AUTS2: variants seen among roughly 807,000 people sequenced by gnomAD.
AUTS2 encodes the protein autism susceptibility gene 2 protein.
Under a neutral mutation model 112.4 loss-of-function variants are expected in AUTS2, and 17 were observed. The ratio of observed to expected loss-of-function variants is 0.15; its 90% CI spans 0.10 to 0.23. The LOEUF is 0.23. Among genes scored for constraint, AUTS2 ranks in the 10% least tolerant of loss-of-function variants. The probability of loss-of-function intolerance (pLI) is 1.00; values close to 1 mark genes in which losing one functional copy is unlikely to be tolerated. For missense variants in AUTS2, 1,510 were observed against 1,701.6 expected, an observed-to-expected ratio of 0.89 and a Z score of 1.98; for synonymous variants, 751 against 702.7, an observed-to-expected ratio of 1.07 and a Z score of -1.09.
chr7:70,018,844 A>G (rs973146928), intron 2 of AUTS2, among the ~76,000 whole-genome samples: 7 of 152,224 alleles, frequency 4.6e-5, no homozygotes, highest in African/African-American at 1.7e-4. Context: ...ATTGTGAAAG[A>G]CAGTATGTCA....
chr7:70,101,729 A>T (rs148475041), intron 2 of AUTS2, among the ~76,000 whole-genome samples: 1 of 152,146 alleles, frequency 6.6e-6, no homozygotes, highest in East Asian at 1.9e-4. Flanking sequence ...AAATAAAAAT[A>T]AAAAGGTAGA....
chr7:69,696,462 A>G (rs1049733037), intron 1 of AUTS2, among the ~76,000 whole-genome samples: 2 of 152,168 alleles, frequency 1.3e-5, no homozygotes, highest in Non-Finnish European at 2.9e-5. Flanking sequence ...AATTAGGCTC[A>G]TTGTTGACAT....
intron 2 of AUTS2, among the ~76,000 whole-genome samples, chr7:69,977,724 T>A (rs1798117485): frequency 6.6e-6 from 1 of 152,164 alleles, no homozygotes; most frequent in South Asian, 2.1e-4. Flanking sequence ...GACAACAAAC[T>A]TTTCTAGGGG....
chr7:70,472,889 G>C (rs900174279), intron 5 of AUTS2, among the ~76,000 whole-genome samples: 1 of 152,218 alleles, frequency 6.6e-6, no homozygotes, highest in Non-Finnish European at 1.5e-5. Flanking sequence ...TCAGTGGAGA[G>C]AAATTAAATT....
intron 4 of AUTS2, among the ~76,000 whole-genome samples, chr7:70,327,067 G>C (rs753367454): frequency 6.6e-6 from 1 of 151,942 alleles, no homozygotes; most frequent in Non-Finnish European, 1.5e-5. Flanking sequence ...ACAGGTGCCT[G>C]CCACTGCGCC....
intron 5 of AUTS2, among the ~76,000 whole-genome samples, chr7:70,548,736 C>A (rs1359834185): frequency 6.6e-6 from 1 of 152,122 alleles, no homozygotes; most frequent in Non-Finnish European, 1.5e-5. Context: ...TCTGGACTTT[C>A]ATTTCTATTC....
intron 4 of AUTS2, among the ~76,000 whole-genome samples, chr7:70,411,669 T>G (rs1215854618): frequency 2.0e-5 from 3 of 152,156 alleles, no homozygotes; most frequent in Non-Finnish European, 2.9e-5. Context: ...TACATATAAT[T>G]AGAGTCAGAT....
intron 1 of AUTS2, among the ~76,000 whole-genome samples, chr7:69,650,617 T>C (rs1315762727): frequency 2.6e-5 from 4 of 152,128 alleles, no homozygotes; most frequent in Non-Finnish European, 4.4e-5. Flanking sequence ...AAAGAAATAT[T>C]AGGAATTTCG....
At chr7:70,302,163 C>T (rs191188049) in intron 4 of AUTS2, among the ~76,000 whole-genome samples, 1 of 152,260 alleles carries the variant, frequency 6.6e-6, no homozygotes, top group Admixed American at 6.5e-5. Context: ...GTAATCCCAG[C>T]ACTTTGGGAG....
At chr7:70,728,594 G>T (rs1227035402) in intron 6 of AUTS2, among the ~76,000 whole-genome samples, 1 of 151,680 alleles carries the variant, frequency 6.6e-6, no homozygotes, top group South Asian at 2.1e-4. Context: ...TGTAGTCCCA[G>T]CTACTTGGGA....
chr7:70,354,267 A>G (rs143523470), intron 4 of AUTS2, among the ~76,000 whole-genome samples: 115 of 152,326 alleles, frequency 7.5e-4, no homozygotes, highest in African/African-American at 2.7e-3. Context: ...TCACTGTTAA[A>G]ATTCATTTGG....
At chr7:70,235,563 T>G (rs1397192967) in intron 4 of AUTS2, among the ~76,000 whole-genome samples, 1 of 152,188 alleles carries the variant, frequency 6.6e-6, no homozygotes, top group Non-Finnish European at 1.5e-5. Flanking sequence ...AAATACGTAC[T>G]ATCTGTTTTT....
chr7:70,196,331 G>A (rs1810172270), intron 4 of AUTS2, among the ~76,000 whole-genome samples: 1 of 152,222 alleles, frequency 6.6e-6, no homozygotes, highest in South Asian at 2.1e-4. Context: ...ATATCTCCTT[G>A]TGGGGAATGG....
chr7:70,072,716 G>A (rs771570454), intron 2 of AUTS2, among the ~76,000 whole-genome samples: 2 of 152,076 alleles, frequency 1.3e-5, no homozygotes, highest in Non-Finnish European at 2.9e-5. Flanking sequence ...TGTAATGAGC[G>A]TTTCTGCATG....
chr7:70,132,514 T>C (rs1230930463), intron 3 of AUTS2, among the ~76,000 whole-genome samples: 1 of 152,228 alleles, frequency 6.6e-6, no homozygotes, highest in Non-Finnish European at 1.5e-5. Flanking sequence ...CGTGTAGCTA[T>C]ACAATGCTTC....
chr7:70,486,479 G>A (rs536078468), intron 5 of AUTS2, among the ~76,000 whole-genome samples: 64 of 152,344 alleles, frequency 4.2e-4, no homozygotes, highest in African/African-American at 1.1e-3. Context: ...GCTCACGCCT[G>A]TAATCCCAAC....
intron 1 of AUTS2, among the ~76,000 whole-genome samples, chr7:69,892,927 C>G (rs1297994967): frequency 6.6e-6 from 1 of 152,104 alleles, no homozygotes; most frequent in Non-Finnish European, 1.5e-5. Context: ...CTATTCTGTT[C>G]CTTTGATCTG....
chr7:69,754,232 G>A (rs1246555126), intron 1 of AUTS2, among the ~76,000 whole-genome samples: 2 of 152,156 alleles, frequency 1.3e-5, no homozygotes, highest in African/African-American at 4.8e-5. Context: ...TTCATCTGTT[G>A]AGAAGGGGTG....
chr7:69,645,406 T>G (rs1436698395), intron 1 of AUTS2, among the ~76,000 whole-genome samples: 1 of 152,028 alleles, frequency 6.6e-6, no homozygotes, highest in Admixed American at 6.6e-5. Context: ...TGTAAAAGAG[T>G]TTGGGAAGTC....
Sources: allele counts gnomAD v4.1 joint callset (sites outside exome capture counted in the v4.1 genomes callset), GRCh38; gene constraint gnomAD v4.1.1; transcripts MANE v1.5; gene names NCBI Gene and HGNC (gene_info 2026-07-23, HGNC 2026-07-21).